TSPAN3: variants seen among roughly 807,000 people sequenced by gnomAD.
TSPAN3 encodes tetraspanin-3.
Under a neutral mutation model 31.1 loss-of-function variants are expected in TSPAN3, and 9 were observed. The ratio of observed to expected loss-of-function variants is 0.29; its 90% CI spans 0.17 to 0.50. The LOEUF (loss-of-function observed/expected upper bound fraction) is 0.50. Among genes scored for constraint, TSPAN3 ranks in the 20% least tolerant of loss-of-function variants. TSPAN3 has a pLI of 0.98. For missense variants in TSPAN3, 252 were observed against 313.5 expected (o/e 0.80, Z 1.48); for synonymous variants, 129 against 114.3 (o/e 1.13, Z -0.82).
chr15:77,046,470 C>G lies in TSPAN3; in HGVS notation c.*365G>C. On this transcript the variant is annotated 3_prime_UTR_variant, in exon 7 of 7. Transcript: ENST00000267970. ...AAAACCTTTGGCCAAGAGTTCTCCA[C>G]TGTGAAGACTGAAAGGACCTGGTGA... 2 of 414,522 alleles carry G rather than the reference C, an allele frequency of 4.8e-6. No individual in the cohort carries two copies. Among genetic ancestry groups the G allele is most frequent in the Non-Finnish European group, 8.5e-6 (2 of 234,576 alleles). 25.7% of individuals were successfully genotyped at this position (414,522 alleles called of 1,614,324 possible). A position where few individuals can be genotyped will look rare whatever the true frequency, so the allele number is the denominator to read the frequency against.
chr15:77,055,857 T>A lies in TSPAN3; in HGVS notation c.262A>T (p.Ile88Phe). ...GTGACAAAAACCAAGAGCAGGATGA[T>A]GACAAACTGTAAGAAAACATGGTTT... ...ESRCGLATFVIILLLVFVTEV... is the reference protein window; with the variant it reads ...ESRCGLATFVFILLLVFVTEV... Residue 88 changes from isoleucine (I) to phenylalanine (F), a missense_variant, in exon 3 of 7, where the codon ATC (isoleucine) becomes TTC (phenylalanine). By Grantham distance (21) the Ile-to-Phe change is conservative (BLOSUM62 0). Transcript: ENST00000267970. 1 of 1,607,798 alleles carries A rather than the reference T, an allele frequency of 6.2e-7. No homozygotes were observed. Among genetic ancestry groups the A allele is most frequent in the Middle Eastern group, 1.7e-4 (1 of 6,038 alleles).
intron 1 of TSPAN3, chr15:77,067,667 T>C (rs1420399908): frequency 6.6e-6 from 1 of 152,222 alleles, no homozygotes; most frequent in African/African-American, 2.4e-5. Flanking sequence ...CATATAAGAA[T>C]ACATTTATTA....
In TSPAN3 at chr15:77,070,577, G is replaced by A. The variant is rs1478507915; in HGVS notation, c.63+315C>T. Among the ~76,000 whole-genome samples, 4 of 142,490 alleles carry A rather than the reference G, an allele frequency of 2.8e-5. No homozygotes were observed. In the South Asian group the frequency reaches 6.6e-4, roughly 23 times the overall value. The allele number at this position is 142,490 out of a possible 152,430, so 93.5% of individuals were successfully genotyped here. A position where few individuals can be genotyped will look rare whatever the true frequency, so the allele number is the denominator to read the frequency against. On this transcript the variant is annotated intron_variant, in intron 1 of 6. Coordinates refer to ENST00000267970, the MANE Select transcript of TSPAN3 (RefSeq NM_005724.6). ...AATAAGCGCTCTCCGTCCAGCCGGC[G>A]ACTCCGGGGGGGGGAGACTGGGGCG...
Position 77,046,834 on chromosome 15 carries a change from A to G in TSPAN3, c.*1T>C, listed in dbSNP as rs1251243154. 6 of 1,586,314 alleles carry G rather than the reference A, an allele frequency of 3.8e-6. No individual in the cohort carries two copies. The highest frequency in any genetic ancestry group is 4.3e-6 in the Non-Finnish European group (5 of 1,162,994). On this transcript the variant is annotated 3_prime_UTR_variant, in exon 7 of 7. Transcript: ENST00000267970. ...CAAAAAGCTCAGGCTTGAGTTGTCA[A>G]CTATGCATAGGTTCCGCCAGTGATG...
At chr15:77,065,107 C>A (rs1484883912) in intron 1 of TSPAN3, among the ~76,000 whole-genome samples, 1 of 152,202 alleles carries the variant, frequency 6.6e-6, no homozygotes, top group Admixed American at 6.5e-5. Flanking sequence ...CCCCAGTCTC[C>A]CAATCTCTTC....
At chr15:77,064,341 A>C (rs2076818479) in intron 1 of TSPAN3, 1 of 152,224 alleles carries the variant, frequency 6.6e-6, no homozygotes, top group African/African-American at 2.4e-5. Context: ...AAAAAAGGTC[A>C]AGGGTAGATA....
rs368774654 is a variant in TSPAN3, at chr15:77,053,377, G to C, written c.433-448C>G. ...GCAGGAGAATCACTTGAACCCGGGA[G>C]GTGGAGGTTGCAGTGAGCCAAGATC... is the stretch of plus-strand genomic sequence containing the variant. On this transcript the variant is annotated intron_variant, in intron 4 of 6. Transcript: ENST00000267970. 1.5e-4 allele frequency among the ~76,000 whole-genome samples: 21 copies of C among 144,448 alleles called. No homozygotes were observed. The East Asian group carries it at 4.3e-3, about 30-fold the overall frequency. 94.8% of individuals were successfully genotyped at this position (144,448 alleles called of 152,430 possible).
intron 4 of TSPAN3, among the ~76,000 whole-genome samples, chr15:77,053,657 G>A (rs1272146200): frequency 6.6e-6 from 1 of 151,974 alleles, no homozygotes; most frequent in Non-Finnish European, 1.5e-5. Context: ...AGATAATGAA[G>A]CAAAAAGTAA....
chr15:77,048,457 C>A (rs1212710221), intron 6 of TSPAN3, among the ~76,000 whole-genome samples: 1 of 148,444 alleles, frequency 6.7e-6, no homozygotes, highest in Non-Finnish European at 1.5e-5. Context: ...ATAAGTATTT[C>A]TTTCCCAATT....
At chr15:77,069,011 A>G (rs902621390) in intron 1 of TSPAN3, among the ~76,000 whole-genome samples, 2 of 152,196 alleles carry the variant, frequency 1.3e-5, no homozygotes, top group Non-Finnish European at 1.5e-5. Flanking sequence ...CAGTAGTGGG[A>G]TTGCTGGGTC....
intron 1 of TSPAN3, among the ~76,000 whole-genome samples, chr15:77,067,222 C>T (rs1264264808): frequency 1.3e-5 from 2 of 152,158 alleles, no homozygotes; most frequent in Non-Finnish European, 2.9e-5. Context: ...TCCATTAAGA[C>T]AAATTTCAGG....
chr15:77,041,542 G>A lies in TSPAN3; in HGVS notation c.*5293C>T, dbSNP rs555694372. ...TGGGATTACAGGTGCATGCCACCAG[G>A]CCCTGCTAATTTTTTGTATTTTTAA... On this transcript the variant is annotated 3_prime_UTR_variant, in exon 7 of 7. Transcript: ENST00000267970. 6.6e-6 allele frequency: 1 copy of A among 151,984 alleles called. No individual in the cohort carries two copies. Among genetic ancestry groups the A allele is most frequent in the Admixed American group, 6.6e-5 (1 of 15,248 alleles). 9.4% of individuals were successfully genotyped at this position (151,984 alleles called of 1,614,324 possible). A position where few individuals can be genotyped will look rare whatever the true frequency, so the allele number is the denominator to read the frequency against.
rs2152694805 is a variant in TSPAN3, at chr15:77,046,874, A to G, written c.723T>C (p.Pro241=). ...CGCCAGTGATGAGGAGCTCGTAAGC[A>G]GGATCTCTACTCCTTCTGCACAACA... ...CIVLCRRSRD[P]AYELLITGGT... Residue 241 remains proline, a synonymous_variant, in exon 7 of 7, where the codon CCT becomes CCC. Transcript: ENST00000267970. 6.3e-7 allele frequency: 1 copy of G among 1,594,810 alleles called. No individual in the cohort carries two copies. The highest frequency in any genetic ancestry group is 8.6e-7 in the Non-Finnish European group (1 of 1,168,250).
At chr15:77,066,992 C>T (rs537336310) in intron 1 of TSPAN3, among the ~76,000 whole-genome samples, 18 of 152,044 alleles carry the variant, frequency 1.2e-4, no homozygotes, top group South Asian at 1.0e-3. Context: ...TGCTGGCTCA[C>T]GTCTCTCTGC....
chr15:77,059,654 T>C (rs2076789187), intron 1 of TSPAN3, among the ~76,000 whole-genome samples: 1 of 152,220 alleles, frequency 6.6e-6, no homozygotes, highest in South Asian at 2.1e-4. Context: ...AAAGGCAGTA[T>C]TTATTTCTTA....
At chr15:77,070,858 C>A in intron 1 of TSPAN3, 34 bp downstream of exon 1, 2 of 1,272,960 alleles carry the variant, frequency 1.6e-6, no homozygotes, top group South Asian at 2.2e-5. Context: ...CCCGGCCCCG[C>A]CGCCGGCCCC....
At chr15:77,065,867 C>G (rs1400877626) in intron 1 of TSPAN3, among the ~76,000 whole-genome samples, 1 of 152,114 alleles carries the variant, frequency 6.6e-6, no homozygotes, top group African/African-American at 2.4e-5. Context: ...AGGCGTTTGA[C>G]TTTTTTGCGG....
chr15:77,062,248 T>TAA (rs2076805116), intron 1 of TSPAN3, among the ~76,000 whole-genome samples: 1 of 152,204 alleles, frequency 6.6e-6, no homozygotes, highest in South Asian at 2.1e-4. Context: ...ACAAGTGTCT[T>TAA]AAAATCATCT....
At chr15:77,070,015 G>A (rs1320385878) in intron 1 of TSPAN3, 3 of 152,222 alleles carry the variant, frequency 2.0e-5, no homozygotes, top group African/African-American at 7.2e-5. Flanking sequence ...ATGTGATAGA[G>A]GAAACGTTTT....
Sources: allele counts gnomAD v4.1 joint callset (sites outside exome capture counted in the v4.1 genomes callset), GRCh38; gene constraint gnomAD v4.1.1; transcripts MANE v1.5; gene names NCBI Gene and HGNC (gene_info 2026-07-23, HGNC 2026-07-21).